Variants in CCSER1 observed in about 807,000 individuals in gnomAD.
CCSER1 encodes the protein coiled-coil serine rich protein 1, also known as serine-rich coiled-coil domain-containing protein 1.
In CCSER1, 41 loss-of-function variants were observed where a neutral mutation model predicts 82.0. The ratio of observed to expected loss-of-function variants is 0.50; its 90% CI spans 0.39 to 0.65. The LOEUF (loss-of-function observed/expected upper bound fraction) is 0.65, where lower values mean the gene tolerates loss of function less well. Ranked by LOEUF, CCSER1 falls within the 30% of genes least tolerant of loss-of-function variation. The pLI, the probability that CCSER1 is intolerant of heterozygous loss-of-function variation, is 0.00. For missense variants in CCSER1, 1,119 were observed against 1,064.2 expected (o/e 1.05, Z -0.72); for synonymous variants, 414 against 383.9 (o/e 1.08, Z -0.92).
intron 1 of CCSER1, among the ~76,000 whole-genome samples, chr4:90,265,587 A>G (rs1725092618): frequency 6.6e-6 from 1 of 152,014 alleles, no homozygotes; most frequent in South Asian, 2.1e-4. Flanking sequence ...AAATTATAAT[A>G]AAATATTCTA....
At chr4:91,227,617 C>T (rs1168413180) in intron 10 of CCSER1, among the ~76,000 whole-genome samples, 2 of 151,440 alleles carry the variant, frequency 1.3e-5, no homozygotes, top group Non-Finnish European at 2.9e-5. Flanking sequence ...GAAACCATCA[C>T]CCAAATATTG....
intron 10 of CCSER1, among the ~76,000 whole-genome samples, chr4:91,373,490 A>C (rs891807005): frequency 2.0e-5 from 3 of 152,108 alleles, no homozygotes; most frequent in Non-Finnish European, 4.4e-5. Context: ...TACTGTTTTA[A>C]TTGTTTTGGG....
intron 8 of CCSER1, among the ~76,000 whole-genome samples, chr4:90,865,492 T>G (rs1377380201): frequency 6.6e-6 from 1 of 152,060 alleles, no homozygotes; most frequent in East Asian, 1.9e-4. Context: ...CTGTCATATC[T>G]CTGATATGTG....
At chr4:91,099,282 A>G (rs914871765) in intron 10 of CCSER1, among the ~76,000 whole-genome samples, 19 of 152,228 alleles carry the variant, frequency 1.2e-4, no homozygotes, top group African/African-American at 3.1e-4. Context: ...AATATATAGA[A>G]TTTTTCAGTG....
At chr4:91,553,232 C>G (rs1465001903) in intron 10 of CCSER1, among the ~76,000 whole-genome samples, 1 of 151,472 alleles carries the variant, frequency 6.6e-6, no homozygotes, top group African/African-American at 2.4e-5. Flanking sequence ...ATCCTTGCAT[C>G]TCAGTGATGA....
chr4:90,573,475 T>A (rs1036425838), intron 5 of CCSER1, among the ~76,000 whole-genome samples: 2 of 152,222 alleles, frequency 1.3e-5, no homozygotes, highest in African/African-American at 4.8e-5. Context: ...GGATATTATC[T>A]CTCTCTATGC....
At chr4:90,484,405 T>G (rs754559830) in intron 5 of CCSER1, among the ~76,000 whole-genome samples, 18 of 152,214 alleles carry the variant, frequency 1.2e-4, no homozygotes, top group Non-Finnish European at 2.4e-4. Flanking sequence ...CTTTATTCCA[T>G]TGCTGGTGAG....
At chr4:90,394,178 A>G (rs1316513122) in intron 3 of CCSER1, among the ~76,000 whole-genome samples, 1 of 150,944 alleles carries the variant, frequency 6.6e-6, no homozygotes, top group Non-Finnish European at 1.5e-5. Context: ...GAATTGATTC[A>G]CACTAACCAA....
chr4:90,195,741 A>G (rs1375299873), intron 1 of CCSER1, among the ~76,000 whole-genome samples: 1 of 152,094 alleles, frequency 6.6e-6, no homozygotes, highest in Non-Finnish European at 1.5e-5. Context: ...AAAATTAATT[A>G]TCATGTCAAC....
intron 1 of CCSER1, among the ~76,000 whole-genome samples, chr4:90,168,096 G>T (rs1730876429): frequency 1.3e-5 from 2 of 152,168 alleles, no homozygotes; most frequent in South Asian, 4.1e-4. Context: ...CACCAAAAGT[G>T]TAAAAGTGTT....
intron 1 of CCSER1, among the ~76,000 whole-genome samples, chr4:90,139,864 G>A (rs1448609394): frequency 6.6e-6 from 1 of 152,146 alleles, no homozygotes; most frequent in Non-Finnish European, 1.5e-5. Context: ...GGAGGCTGAG[G>A]CAGGAGAATT....
chr4:91,000,798 GTTGT>G (rs1737970049), intron 9 of CCSER1, among the ~76,000 whole-genome samples: 1 of 152,284 alleles, frequency 6.6e-6, no homozygotes, highest in South Asian at 2.1e-4. Context: ...CTCTGCTGAA[GTTGT>G]TTATCAGTTC....
At chr4:91,591,891 G>A (rs1342261752) in intron 10 of CCSER1, among the ~76,000 whole-genome samples, 1 of 151,624 alleles carries the variant, frequency 6.6e-6, no homozygotes, top group African/African-American at 2.4e-5. Context: ...TTTTTCATTT[G>A]CTTTGATATC....
At chr4:90,850,608 C>CT (rs1404084187) in intron 8 of CCSER1, among the ~76,000 whole-genome samples, 2 of 152,202 alleles carry the variant, frequency 1.3e-5, no homozygotes, top group Non-Finnish European at 2.9e-5. Context: ...TGCATGGGGC[C>CT]TATAGCCCCT....
At chr4:91,340,222 T>C (rs969619762) in intron 10 of CCSER1, among the ~76,000 whole-genome samples, 1 of 152,194 alleles carries the variant, frequency 6.6e-6, no homozygotes, top group Non-Finnish European at 1.5e-5. Context: ...TTAAAAGTTA[T>C]GTGAATGTGG....
chr4:90,653,141 A>C (rs1487367376), intron 6 of CCSER1, among the ~76,000 whole-genome samples: 2 of 152,160 alleles, frequency 1.3e-5, no homozygotes, highest in Non-Finnish European at 2.9e-5. Flanking sequence ...TTAAAAAAAA[A>C]ACTTGCTTTG....
chr4:91,298,636 G>A (rs1018832983), intron 10 of CCSER1, among the ~76,000 whole-genome samples: 2 of 151,980 alleles, frequency 1.3e-5, no homozygotes, highest in Non-Finnish European at 2.9e-5. Flanking sequence ...ATTTATGAAA[G>A]TAAGAGTAAA....
At chr4:91,264,285 A>T (rs1346106155) in intron 10 of CCSER1, among the ~76,000 whole-genome samples, 1 of 151,794 alleles carries the variant, frequency 6.6e-6, no homozygotes, top group East Asian at 1.9e-4. Context: ...ATTTTAATGG[A>T]TAATGGGAAA....
At chr4:90,982,741 T>C (rs1204829581) in intron 9 of CCSER1, among the ~76,000 whole-genome samples, 1 of 151,732 alleles carries the variant, frequency 6.6e-6, no homozygotes, top group Non-Finnish European at 1.5e-5. Flanking sequence ...CTAACAGGTG[T>C]TCCCACAAAG....
Sources: gnomAD v4.1 joint callset for allele counts (sites outside exome capture counted in the v4.1 genomes callset) on GRCh38, gnomAD v4.1.1 for gene constraint, MANE v1.5 for transcripts, NCBI Gene and HGNC (gene_info 2026-07-23, HGNC 2026-07-21) for gene names.